GPR26: variants seen among roughly 807,000 people sequenced by gnomAD.
GPR26 encodes G protein-coupled receptor 26.
A neutral mutation model predicts 23.1 loss-of-function variants in GPR26; 15 were observed. The ratio of observed to expected loss-of-function variants is 0.65; its 90% CI spans 0.43 to 1.00. GPR26 has a LOEUF of 1.00. Among genes scored for constraint, GPR26 ranks in the 50% least tolerant of loss-of-function variants. The probability of loss-of-function intolerance (pLI) is 0.00; values close to 1 mark genes in which losing one functional copy is unlikely to be tolerated. For missense variants in GPR26, 359 were observed against 470.5 expected, an observed-to-expected ratio of 0.76 and a Z score of 2.19; for synonymous variants, 228 against 222.1, an observed-to-expected ratio of 1.03 and a Z score of -0.24.
intron 2 of GPR26, among the ~76,000 whole-genome samples, chr10:123,677,199 G>A (rs1845321029): frequency 1.3e-5 from 2 of 152,042 alleles, no homozygotes; most frequent in South Asian, 4.2e-4. Context: ...AAAAATTACA[G>A]CTAGGTTCTC....
At position 123,696,204 on chromosome 10, in the gene GPR26, C is replaced by T. The variant is rs1461712576; in HGVS notation, c.*8044C>T. On this transcript the variant is annotated 3_prime_UTR_variant, in exon 3 of 3. Coordinates refer to ENST00000284674, the MANE Select transcript of GPR26 (RefSeq NM_153442.4). ...GACAACTTTAGCCACTCCTGTCCGTCCTTCTTCATGGAACACACTCATTTC... is the reference window on the plus strand; with the variant it reads ...GACAACTTTAGCCACTCCTGTCCGTTCTTCTTCATGGAACACACTCATTTC... Among the ~76,000 whole-genome samples, 1 of 152,156 alleles carries T rather than the reference C, an allele frequency of 6.6e-6. No individual in the cohort carries two copies. The highest frequency in any genetic ancestry group is 1.5e-5 in the Non-Finnish European group (1 of 68,020).
chr10:123,682,102 C>T (rs1429895791), intron 2 of GPR26, among the ~76,000 whole-genome samples: 2 of 152,350 alleles, frequency 1.3e-5, no homozygotes, highest in East Asian at 1.9e-4. Context: ...TGTATGTTTT[C>T]GGCCTGATTT....
intron 2 of GPR26, among the ~76,000 whole-genome samples, chr10:123,682,463 TCA>T (rs1350563782): frequency 2.0e-5 from 3 of 152,146 alleles, no homozygotes. Context: ...CACCTCCAAG[TCA>T]CAGTCACACA....
Position 123,696,949 on chromosome 10 carries a change from G to A in GPR26, c.*8789G>A, listed in dbSNP as rs1009825730. On this transcript the variant is annotated 3_prime_UTR_variant, in exon 3 of 3. Transcript: ENST00000284674. The stretch of plus-strand genomic sequence containing the variant: ...CATATGGGTATATGTTTGTGTGCCC[G>A]TGATTATATGCATATGGGTGAATGT... Among the ~76,000 whole-genome samples the A allele has an allele frequency of 1.3e-5, 2 of 151,828 alleles. No individual in the cohort carries two copies. Among genetic ancestry groups the A allele is most frequent in the Admixed American group, 6.6e-5 (1 of 15,242 alleles).
Position 123,688,148 on chromosome 10 carries a change from G to A in GPR26, c.1002G>A (p.Pro334=), listed in dbSNP as rs146348282. Residue 334 remains proline (P), a synonymous_variant, in exon 3 of 3, where the codon CCG becomes CCA. Coordinates refer to ENST00000284674, the MANE Select transcript of GPR26 (RefSeq NM_153442.4). ...TGDSHSQNIL[P]VSE The stretch of plus-strand genomic sequence containing the variant: ...ACTCTCACAGCCAGAACATTCTGCC[G>A]GTGTCTGAGTGAAGGACCGCGCTCC... 1.6e-4 allele frequency: 252 copies of A among 1,609,626 alleles called. 1 individual carries two copies. In the African/African-American group the frequency reaches 2.5e-3, roughly 16 times the overall value.
chr10:123,683,304 C>A, intron 2 of GPR26, among the ~76,000 whole-genome samples: 1 of 152,240 alleles, frequency 6.6e-6, no homozygotes, highest in East Asian at 1.9e-4. Flanking sequence ...AGCTTTGACA[C>A]TTCTCTGCCT....
chr10:123,688,236 G>T lies in GPR26; in HGVS notation c.*76G>T. On this transcript the variant is annotated 3_prime_UTR_variant, in exon 3 of 3. Transcript: ENST00000284674. Reference sequence around the variant, plus strand: ...GGGTGGGAGGGCGTGGGGGCCCCTGGGTGGACACCACCAGCCACCAGTCCC... The same window carrying T: ...GGGTGGGAGGGCGTGGGGGCCCCTGTGTGGACACCACCAGCCACCAGTCCC... 1 of 868,608 alleles carries T rather than the reference G, an allele frequency of 1.2e-6. No individual in the cohort carries two copies. Among genetic ancestry groups the T allele is most frequent in the Non-Finnish European group, 1.8e-6 (1 of 543,066 alleles). The allele number at this position is 868,608 out of a possible 1,614,324, so 53.8% of individuals were successfully genotyped here.
intron 2 of GPR26, among the ~76,000 whole-genome samples, chr10:123,685,331 G>A (rs1329287489): frequency 6.6e-6 from 1 of 152,228 alleles, no homozygotes; most frequent in Non-Finnish European, 1.5e-5. Context: ...AGTCGTTGTG[G>A]CAATATCGAA....
At chr10:123,678,699 C>A (rs1458349427) in intron 2 of GPR26, among the ~76,000 whole-genome samples, 2 of 152,212 alleles carry the variant, frequency 1.3e-5, no homozygotes, top group African/African-American at 2.4e-5. Context: ...TCCAGGCACA[C>A]CCTGATGGGC....
chr10:123,667,164 C>T, intron 1 of GPR26, 89 bp downstream of exon 1: 1 of 985,524 alleles, frequency 1.0e-6, no homozygotes, highest in South Asian at 1.8e-5. Flanking sequence ...CTCTTTTCCA[C>T]CGAGCCTCTG....
intron 2 of GPR26, among the ~76,000 whole-genome samples, chr10:123,677,878 C>T (rs1845327423): frequency 6.6e-6 from 1 of 152,110 alleles, no homozygotes; most frequent in Admixed American, 6.5e-5. Flanking sequence ...CATGGCCTGT[C>T]CAGATAGATA....
intron 2 of GPR26, among the ~76,000 whole-genome samples, chr10:123,677,232 C>A (rs575054305): frequency 2.0e-5 from 3 of 152,098 alleles, no homozygotes; most frequent in African/African-American, 7.2e-5. Flanking sequence ...CAGGAAGTAA[C>A]GTTTCAGTAA....
At chr10:123,670,969 G>A (rs550799746) in intron 1 of GPR26, among the ~76,000 whole-genome samples, 4 of 152,180 alleles carry the variant, frequency 2.6e-5, no homozygotes, top group South Asian at 4.1e-4. Flanking sequence ...AATGTGCAGG[G>A]CCCAGGGCAG....
intron 2 of GPR26, among the ~76,000 whole-genome samples, chr10:123,687,227 G>C (rs1164179396): frequency 1.3e-5 from 2 of 152,108 alleles, no homozygotes; most frequent in African/African-American, 4.8e-5. Flanking sequence ...CCAGGGAAGA[G>C]GCCTTCCTTG....
chr10:123,691,896 T>G lies in GPR26; in HGVS notation c.*3736T>G, dbSNP rs190679053. The G allele has an allele frequency of 6.6e-6, 1 of 152,288 alleles. No individual in the cohort carries two copies. Among genetic ancestry groups the G allele is most frequent in the African/African-American group, 2.4e-5 (1 of 41,554 alleles). The allele number at this position is 152,288 out of a possible 1,614,324, so 9.4% of individuals were successfully genotyped here. On this transcript the variant is annotated 3_prime_UTR_variant, in exon 3 of 3. Transcript: ENST00000284674. ...ACTGATAGGAGTTTTCTTCAAACCA[T>G]CCCCTAAGGAGAAATGATCTTAGAC...
At position 123,695,780 on chromosome 10, in the gene GPR26, C is replaced by T. The variant is rs945427346; in HGVS notation, c.*7620C>T. Reference sequence around the variant, plus strand: ...CCAAACTCTCTGCTCTAACAACCTTCGAATGTCAAGTTCCCTTGCAAGCTG... The same window carrying T: ...CCAAACTCTCTGCTCTAACAACCTTTGAATGTCAAGTTCCCTTGCAAGCTG... On this transcript the variant is annotated 3_prime_UTR_variant, in exon 3 of 3. Transcript: ENST00000284674. Among the ~76,000 whole-genome samples the T allele has an allele frequency of 1.3e-5, 2 of 152,276 alleles. No homozygotes were observed. The highest frequency in any genetic ancestry group is 1.5e-5 in the Non-Finnish European group (1 of 68,032).
Position 123,666,910 on chromosome 10 carries a change from G to C in GPR26, c.503G>C (p.Arg168Pro), listed in dbSNP as rs550316766. The change falls in exon 1 of 3, where the codon CGC (arginine) becomes CCC (proline). Residue 168 changes from arginine to proline, a missense_variant. Transcript: ENST00000284674. ...AGCCGGCGGCCAGACGAGCGCCTGC[G>C]CTTCGCCGTCTTCACTGGCGCCTTC... The part of the protein sequence containing the change: ...LCSRRPDERL[R>P]FAVFTGAFHA... 4 of 1,613,010 alleles carry C rather than the reference G, an allele frequency of 2.5e-6. No homozygotes were observed. The highest frequency in any genetic ancestry group is 2.7e-5 in the African/African-American group (2 of 75,052).
intron 1 of GPR26, among the ~76,000 whole-genome samples, chr10:123,668,967 G>A (rs1564729413): frequency 2.6e-5 from 4 of 152,216 alleles, no homozygotes; most frequent in South Asian, 2.1e-4. Flanking sequence ...CCCTCTGGCC[G>A]ATGTCAGGCC....
chr10:123,680,196 A>G (rs763565991), intron 2 of GPR26, among the ~76,000 whole-genome samples: 6 of 152,228 alleles, frequency 3.9e-5, no homozygotes, highest in Non-Finnish European at 7.3e-5. Context: ...GATCCCTGAG[A>G]TGGGAGACTC....
Sources: allele counts gnomAD v4.1 joint callset (sites outside exome capture counted in the v4.1 genomes callset), GRCh38; gene constraint gnomAD v4.1.1; transcripts MANE v1.5; gene names NCBI Gene and HGNC (gene_info 2026-07-23, HGNC 2026-07-21).